GRIK4: variants seen among roughly 807,000 people sequenced by gnomAD.
The protein encoded by GRIK4 is glutamate receptor ionotropic, kainate 4.
Under a neutral mutation model 104.9 loss-of-function variants are expected in GRIK4, and 40 were observed. The ratio of observed to expected loss-of-function variants is 0.38; its 90% CI spans 0.30 to 0.50. The LOEUF is 0.50. Ranked by LOEUF, GRIK4 falls within the 20% of genes least tolerant of loss-of-function variation. The pLI, the probability that GRIK4 is intolerant of heterozygous loss-of-function variation, is 0.93. For missense variants in GRIK4, 1,047 were observed against 1,308.1 expected (o/e 0.80, Z 3.08); for synonymous variants, 485 against 524.9 (o/e 0.92, Z 1.04).
At chr11:120,703,307 TG>T (rs1281359901) in intron 3 of GRIK4, among the ~76,000 whole-genome samples, 1 of 152,178 alleles carries the variant, frequency 6.6e-6, no homozygotes, top group Non-Finnish European at 1.5e-5. Flanking sequence ...ATCCAAGGCC[TG>T]GGGTCTTTCA....
At chr11:120,844,637 G>A (rs35168282) in intron 8 of GRIK4, among the ~76,000 whole-genome samples, 24,388 of 152,134 alleles carry the variant, frequency 0.16, 2,679 homozygotes, top group East Asian at 0.33. Context: ...ACCTATCTGC[G>A]TTTCAGCTGG....
chr11:120,577,324 G>A (rs936262060), intron 1 of GRIK4, among the ~76,000 whole-genome samples: 29 of 152,064 alleles, frequency 1.9e-4, no homozygotes, highest in African/African-American at 6.8e-4. Context: ...ACTGTGGCCT[G>A]AGAGGGGTGT....
chr11:120,521,217 C>T (rs1318006083), intron 1 of GRIK4, among the ~76,000 whole-genome samples: 2 of 152,068 alleles, frequency 1.3e-5, no homozygotes, highest in Non-Finnish European at 2.9e-5. Flanking sequence ...GGACTACAAG[C>T]GTGCACCACC....
intron 3 of GRIK4, among the ~76,000 whole-genome samples, chr11:120,796,143 C>T (rs1952509670): frequency 6.6e-6 from 1 of 151,248 alleles, no homozygotes; most frequent in African/African-American, 2.4e-5. Context: ...TCACGCCATT[C>T]TCCTGCTTCA....
At position 120,958,100 on chromosome 11, in the gene GRIK4, C is replaced by A. The variant is rs905975063; in HGVS notation, c.1874+1147C>A. ...CAACATCCGGGAACCTGGGCAGAAG[C>A]CCTGGGAGAGGAGCATCGGGGGATG... On this transcript the variant is annotated intron_variant, in intron 16 of 20. Transcript: ENST00000527524. Among the ~76,000 whole-genome samples the A allele has an allele frequency of 2.6e-5, 4 of 152,324 alleles. No homozygotes were observed. The East Asian group carries it at 7.7e-4, about 29-fold the overall frequency.
intron 1 of GRIK4, among the ~76,000 whole-genome samples, chr11:120,625,525 CT>C (rs1169994906): frequency 6.6e-6 from 1 of 152,078 alleles, no homozygotes; most frequent in Non-Finnish European, 1.5e-5. Context: ...GTTGTTGCCT[CT>C]TCTCACATCT....
intron 3 of GRIK4, among the ~76,000 whole-genome samples, chr11:120,730,557 T>G: frequency 6.7e-6 from 1 of 149,000 alleles, no homozygotes; most frequent in Non-Finnish European, 1.5e-5. Context: ...CTGGGTCTTT[T>G]GTGGTTCCAT....
At chr11:120,658,141 A>T (rs1333024706) in intron 2 of GRIK4, among the ~76,000 whole-genome samples, 1 of 148,162 alleles carries the variant, frequency 6.7e-6, no homozygotes, top group Non-Finnish European at 1.5e-5. Flanking sequence ...AGAATGTGTA[A>T]TCTTTTGTAC....
At chr11:120,573,462 A>G (rs1948430388) in intron 1 of GRIK4, among the ~76,000 whole-genome samples, 1 of 151,986 alleles carries the variant, frequency 6.6e-6, no homozygotes, top group South Asian at 2.1e-4. Context: ...CCCACCTGTG[A>G]TCACCCCCGC....
intron 3 of GRIK4, among the ~76,000 whole-genome samples, chr11:120,759,747 T>G (rs539311164): frequency 6.6e-6 from 1 of 151,666 alleles, no homozygotes; most frequent in South Asian, 2.1e-4. Flanking sequence ...ATTGGCAGAG[T>G]TTTTCCATGA....
At chr11:120,701,536 G>A (rs1950551058) in intron 3 of GRIK4, among the ~76,000 whole-genome samples, 1 of 152,264 alleles carries the variant, frequency 6.6e-6, no homozygotes, top group African/African-American at 2.4e-5. Flanking sequence ...TAGACACTTA[G>A]GTTGTTTCTA....
intron 3 of GRIK4, among the ~76,000 whole-genome samples, chr11:120,706,455 T>G (rs1456856276): frequency 6.6e-6 from 1 of 152,126 alleles, no homozygotes; most frequent in Non-Finnish European, 1.5e-5. Flanking sequence ...GGGGAGCATG[T>G]GTCTGCCCTG....
intron 11 of GRIK4, among the ~76,000 whole-genome samples, chr11:120,887,986 G>A (rs540259964): frequency 6.6e-6 from 1 of 152,200 alleles, no homozygotes; most frequent in South Asian, 2.1e-4. Context: ...GGTTGTGGTG[G>A]ATGGCAGAGC....
At chr11:120,895,087 A>C (rs951865360) in intron 11 of GRIK4, among the ~76,000 whole-genome samples, 2 of 152,096 alleles carry the variant, frequency 1.3e-5, no homozygotes, top group African/African-American at 2.4e-5. Flanking sequence ...TGCGTTGCTC[A>C]GGCTGTTGGA....
intron 1 of GRIK4, among the ~76,000 whole-genome samples, chr11:120,517,677 G>A (rs752951949): frequency 6.6e-6 from 1 of 152,090 alleles, no homozygotes; most frequent in Non-Finnish European, 1.5e-5. Flanking sequence ...TTGCTGCCTC[G>A]ATTTCCGCCC....
intron 1 of GRIK4, among the ~76,000 whole-genome samples, chr11:120,568,440 T>C (rs1591701033): frequency 6.6e-6 from 1 of 151,900 alleles, no homozygotes; most frequent in Admixed American, 6.6e-5. Flanking sequence ...CAGGCTGGAG[T>C]GCAGTGGCAT....
intron 9 of GRIK4, among the ~76,000 whole-genome samples, chr11:120,867,336 C>T (rs1459639038): frequency 2.6e-5 from 4 of 152,078 alleles, no homozygotes; most frequent in Admixed American, 6.5e-5. Context: ...AGCTGGAAGG[C>T]GAGAGGGAGT....
At chr11:120,798,551 C>G (rs11218010) in intron 3 of GRIK4, among the ~76,000 whole-genome samples, 18,393 of 152,182 alleles carry the variant, frequency 0.12, 3,507 homozygotes, top group African/African-American at 0.41. Context: ...ATCCTGTTGG[C>G]TCACTGCAAC....
At chr11:120,757,165 G>A (rs1450345492) in intron 3 of GRIK4, among the ~76,000 whole-genome samples, 1 of 152,190 alleles carries the variant, frequency 6.6e-6, no homozygotes, top group African/African-American at 2.4e-5. Flanking sequence ...GGAGCCACCA[G>A]CCCCACAGAG....
Sources: gnomAD v4.1 joint callset for allele counts (sites outside exome capture counted in the v4.1 genomes callset) on GRCh38, gnomAD v4.1.1 for gene constraint, MANE v1.5 for transcripts, NCBI Gene and HGNC (gene_info 2026-07-23, HGNC 2026-07-21) for gene names.